Variants in TNR observed in about 807,000 individuals in gnomAD.
The protein encoded by TNR is tenascin-R.
In TNR, 45 loss-of-function variants were observed where a neutral mutation model predicts 150.4. The observed-to-expected ratio is 0.30, with a 90% CI of 0.24 to 0.38. The LOEUF (loss-of-function observed/expected upper bound fraction) is 0.38, where lower values mean the gene tolerates loss of function less well. Ranked by LOEUF, TNR falls within the 10% of genes least tolerant of loss-of-function variation. TNR has a pLI of 1.00. For synonymous variants in TNR, 687 were observed against 678.4 expected, an observed-to-expected ratio of 1.01 and a Z score of -0.20; for missense variants, 1,544 against 1,759.1, an observed-to-expected ratio of 0.88 and a Z score of 2.19.
rs534700035 is a variant in TNR at position 175,622,488 on chromosome 1, C to T, written c.-164-94119G>A. Among the ~76,000 whole-genome samples, 3 of 152,342 alleles carry T rather than the reference C, an allele frequency of 2.0e-5. No homozygotes were observed. In the South Asian group the frequency reaches 6.2e-4, roughly 32 times the overall value. On this transcript the variant is annotated intron_variant, in intron 1 of 22. Coordinates refer to ENST00000367674, the MANE Select transcript of TNR (RefSeq NM_003285.3). ...ATCTAACCAGGCTTTCTTCCGCAGG[C>T]ATTTGTATATACTGTTTCCTTTCCA...
At chr1:175,459,586 C>T (rs1656724373) in intron 2 of TNR, among the ~76,000 whole-genome samples, 1 of 152,232 alleles carries the variant, frequency 6.6e-6, no homozygotes, top group African/African-American at 2.4e-5. Context: ...ATTGGCCTTA[C>T]TCTGAACCAA....
At chr1:175,493,551 T>C (rs1347209327) in intron 2 of TNR, among the ~76,000 whole-genome samples, 1 of 152,262 alleles carries the variant, frequency 6.6e-6, no homozygotes, top group Non-Finnish European at 1.5e-5. Flanking sequence ...ACAGCTTTCA[T>C]GGAGGAAGCA....
At chr1:175,417,793 G>T (rs1226839151) in intron 2 of TNR, among the ~76,000 whole-genome samples, 1 of 152,132 alleles carries the variant, frequency 6.6e-6, no homozygotes, top group Non-Finnish European at 1.5e-5. Flanking sequence ...TCAAATTCAT[G>T]CTGTTTCCAA....
intron 1 of TNR, among the ~76,000 whole-genome samples, chr1:175,718,552 T>C (rs1407394547): frequency 6.6e-6 from 1 of 152,084 alleles, no homozygotes; most frequent in Non-Finnish European, 1.5e-5. Context: ...GCCTAGGCAG[T>C]TTAGTAGGGT....
At chr1:175,610,568 A>T (rs1663560004) in intron 1 of TNR, among the ~76,000 whole-genome samples, 2 of 152,120 alleles carry the variant, frequency 1.3e-5, no homozygotes, top group South Asian at 4.1e-4. Context: ...AAACACTCTG[A>T]TCTATTAGCC....
At chr1:175,597,674 A>T (rs1663061722) in intron 1 of TNR, among the ~76,000 whole-genome samples, 1 of 152,128 alleles carries the variant, frequency 6.6e-6, no homozygotes, top group South Asian at 2.1e-4. Context: ...TTCTGGTAAA[A>T]ACCTTGCTGA....
intron 2 of TNR, among the ~76,000 whole-genome samples, chr1:175,520,995 A>G (rs1659614628): frequency 6.6e-6 from 1 of 152,208 alleles, no homozygotes; most frequent in East Asian, 1.9e-4. Context: ...CAACACCTTG[A>G]CAAGAACATA....
intron 1 of TNR, among the ~76,000 whole-genome samples, chr1:175,535,232 C>T (rs544011115): frequency 5.3e-5 from 8 of 152,286 alleles, no homozygotes; most frequent in Non-Finnish European, 8.8e-5. Context: ...TCAGCATTCC[C>T]TGTTCCTCAA....
intron 1 of TNR, among the ~76,000 whole-genome samples, chr1:175,731,947 G>T (rs944050759): frequency 9.2e-5 from 14 of 152,196 alleles, no homozygotes; most frequent in Non-Finnish European, 1.9e-4. Context: ...CATGTTGTGG[G>T]TGGCTATAAA....
intron 2 of TNR, among the ~76,000 whole-genome samples, chr1:175,498,088 C>A (rs748367975): frequency 5.3e-5 from 8 of 151,968 alleles, no homozygotes; most frequent in Non-Finnish European, 1.0e-4. Context: ...ACAACAACAA[C>A]AACAAAAACA....
chr1:175,377,576 C>T (rs1433027561), intron 9 of TNR, among the ~76,000 whole-genome samples: 2 of 150,796 alleles, frequency 1.3e-5, no homozygotes, highest in East Asian at 3.9e-4. Flanking sequence ...CGTTAATCTG[C>T]TTGGTCAGCA....
intron 1 of TNR, among the ~76,000 whole-genome samples, chr1:175,650,352 C>G (rs920809309): frequency 6.6e-6 from 1 of 151,988 alleles, no homozygotes; most frequent in Non-Finnish European, 1.5e-5. Context: ...CACTGCACTT[C>G]AGCATGGACG....
At chr1:175,375,484 G>GGT (rs1332307030) in intron 9 of TNR, among the ~76,000 whole-genome samples, 1 of 151,974 alleles carries the variant, frequency 6.6e-6, no homozygotes. Context: ...AATGGGGGGG[G>GGT]AGTGTTTGAA....
intron 2 of TNR, among the ~76,000 whole-genome samples, chr1:175,483,023 G>A (rs1657870588): frequency 6.6e-6 from 1 of 152,202 alleles, no homozygotes; most frequent in South Asian, 2.1e-4. Flanking sequence ...CTGAATTAGG[G>A]ATTGCCTGCA....
chr1:175,464,943 A>G (rs1212546833), intron 2 of TNR, among the ~76,000 whole-genome samples: 1 of 152,076 alleles, frequency 6.6e-6, no homozygotes, highest in African/African-American at 2.4e-5. Flanking sequence ...GAGGGCTGTT[A>G]GCTTTCACAG....
chr1:175,331,131 TTTTC>T (rs1428752073), intron 20 of TNR, among the ~76,000 whole-genome samples: 5 of 122,148 alleles, frequency 4.1e-5, no homozygotes, highest in Admixed American at 8.8e-5. Context: ...TCTTTCTTTC[TTTTC>T]TTTCTTTCTT....
chr1:175,632,615 A>G (rs531278675), intron 1 of TNR, among the ~76,000 whole-genome samples: 32 of 152,352 alleles, frequency 2.1e-4, no homozygotes, highest in African/African-American at 7.7e-4. Context: ...AATAATTTAC[A>G]ATAAGTTTTG....
intron 1 of TNR, among the ~76,000 whole-genome samples, chr1:175,650,520 A>G (rs74935225): frequency 0.026 from 3,978 of 151,930 alleles, 167 homozygotes; most frequent in African/African-American, 0.088. Flanking sequence ...CAACTAGAGA[A>G]GTCTAATTGG....
chr1:175,679,045 A>T (rs1164420725), intron 1 of TNR, among the ~76,000 whole-genome samples: 4 of 152,262 alleles, frequency 2.6e-5, no homozygotes, highest in Admixed American at 1.3e-4. Flanking sequence ...GAAGTGGGAC[A>T]AACAGTTCAC....
Sources: gnomAD v4.1 joint callset for allele counts (sites outside exome capture counted in the v4.1 genomes callset) on GRCh38, gnomAD v4.1.1 for gene constraint, MANE v1.5 for transcripts, NCBI Gene and HGNC (gene_info 2026-07-23, HGNC 2026-07-21) for gene names.